TRPM3: variants seen among roughly 807,000 people sequenced by gnomAD.
TRPM3 encodes transient receptor potential cation channel subfamily M member 3.
Under a neutral mutation model 181.2 loss-of-function variants are expected in TRPM3, and 77 were observed. That is an observed-to-expected ratio of 0.42 (90% CI 0.35 to 0.51). The LOEUF (loss-of-function observed/expected upper bound fraction) is 0.51, where lower values mean the gene tolerates loss of function less well. Ranked by LOEUF, TRPM3 falls within the 20% of genes least tolerant of loss-of-function variation. The pLI is 0.01. For synonymous variants in TRPM3, 745 were observed against 796.4 expected, an observed-to-expected ratio of 0.94 and a Z score of 1.09; for missense variants, 1,759 against 2,196.7, an observed-to-expected ratio of 0.80 and a Z score of 3.98.
chr9:71,099,381 T>TG (rs929714266), intron 1 of TRPM3, among the ~76,000 whole-genome samples: 23 of 152,096 alleles, frequency 1.5e-4, no homozygotes, highest in African/African-American at 4.8e-4. Context: ...ACATAAATTT[T>TG]GGGGGGGTAT....
intron 1 of TRPM3, among the ~76,000 whole-genome samples, chr9:70,906,403 G>A (rs1295368727): frequency 6.6e-6 from 1 of 152,178 alleles, no homozygotes; most frequent in African/African-American, 2.4e-5. Context: ...AGCGCTGAAA[G>A]AGAGGGCCGA....
intron 1 of TRPM3, among the ~76,000 whole-genome samples, chr9:71,008,399 T>C (rs1463645631): frequency 6.6e-6 from 1 of 152,136 alleles, no homozygotes; most frequent in Non-Finnish European, 1.5e-5. Context: ...GCTTACTTTC[T>C]AAGTCATTCT....
intron 9 of TRPM3, among the ~76,000 whole-genome samples, chr9:70,651,011 C>T (rs568534347): frequency 2.6e-4 from 40 of 152,030 alleles, no homozygotes; most frequent in Non-Finnish European, 5.1e-4. Flanking sequence ...CACTTTTTAT[C>T]GCAAAGTTTT....
At chr9:70,630,243 A>AAAT (rs1366991491) in intron 12 of TRPM3, among the ~76,000 whole-genome samples, 2 of 152,206 alleles carry the variant, frequency 1.3e-5, no homozygotes, top group African/African-American at 4.8e-5. Flanking sequence ...TATGCTGTGA[A>AAAT]AATAGGTGGC....
At chr9:70,746,212 C>T (rs147877950) in intron 8 of TRPM3, among the ~76,000 whole-genome samples, 309 of 152,020 alleles carry the variant, frequency 2.0e-3, no homozygotes, top group African/African-American at 7.2e-3. Flanking sequence ...GAAACATCTT[C>T]GACTTTTTGT....
At chr9:71,265,082 T>A (rs1588191673) in intron 1 of TRPM3, among the ~76,000 whole-genome samples, 1 of 152,294 alleles carries the variant, frequency 6.6e-6, no homozygotes, top group East Asian at 1.9e-4. Context: ...AATTCAAGCA[T>A]GAGATCTTCA....
chr9:71,163,195 T>G (rs1197194596), intron 1 of TRPM3, among the ~76,000 whole-genome samples: 1 of 151,970 alleles, frequency 6.6e-6, no homozygotes, highest in African/African-American at 2.4e-5. Context: ...AAGGTCACAG[T>G]GTGAAGAATA....
Position 70,542,494 on chromosome 9 carries a change from G to A in TRPM3, c.3708-5089C>T, listed in dbSNP as rs528578310. Among the ~76,000 whole-genome samples, 24 of 152,282 alleles carry A rather than the reference G, an allele frequency of 1.6e-4. 1 individual carries two copies. Among genetic ancestry groups the A allele is most frequent in the African/African-American group, 5.8e-4 (24 of 41,558 alleles). ...AGCTGTTGGGTGACCCATGAGAGAA[G>A]GCCCAGTGGGTGGGTGCAAAACCCC... On this transcript the variant is annotated intron_variant, in intron 25 of 25. Coordinates refer to ENST00000677713, the MANE Select transcript of TRPM3 (RefSeq NM_001366145.2).
At chr9:71,054,961 C>A (rs2060491478) in intron 1 of TRPM3, among the ~76,000 whole-genome samples, 1 of 152,070 alleles carries the variant, frequency 6.6e-6, no homozygotes, top group Non-Finnish European at 1.5e-5. Context: ...AAGCCTTCTC[C>A]ACAATGCCTG....
intron 1 of TRPM3, among the ~76,000 whole-genome samples, chr9:71,382,166 G>A (rs2092816400): frequency 6.6e-6 from 1 of 152,014 alleles, no homozygotes; most frequent in African/African-American, 2.4e-5. Context: ...ATAAGATTTA[G>A]TTTCTCAAAA....
At chr9:71,179,578 G>T (rs2077283733) in intron 1 of TRPM3, among the ~76,000 whole-genome samples, 1 of 152,122 alleles carries the variant, frequency 6.6e-6, no homozygotes, top group Admixed American at 6.6e-5. Context: ...TAGATTTTGA[G>T]AAATGAAATT....
chr9:70,918,794 C>A (rs183047363), intron 1 of TRPM3, among the ~76,000 whole-genome samples: 7 of 151,650 alleles, frequency 4.6e-5, no homozygotes, highest in Admixed American at 2.0e-4. Context: ...GATCTTGAAA[C>A]GAACAATACA....
In TRPM3 at chr9:70,535,115, A is replaced by T. The variant is rs539800658; in HGVS notation, c.*838T>A. 2.1e-4 allele frequency: 47 copies of T among 224,108 alleles called. No homozygotes were observed. Among genetic ancestry groups the T allele is most frequent in the Middle Eastern group, 1.5e-3 (1 of 666 alleles). 13.9% of individuals were successfully genotyped at this position (224,108 alleles called of 1,614,324 possible). A position where few individuals can be genotyped will look rare whatever the true frequency, so the allele number is the denominator to read the frequency against. ...TGACAGGTGAGATACAAAATAAATT[A>T]AAAAATATAAAATTATTTAATTACA... On this transcript the variant is annotated 3_prime_UTR_variant, in exon 26 of 26. Transcript: ENST00000677713.
At chr9:71,006,864 C>T (rs2097680806) in intron 1 of TRPM3, among the ~76,000 whole-genome samples, 1 of 80,436 alleles carries the variant, frequency 1.2e-5, no homozygotes, top group African/African-American at 5.0e-5. Flanking sequence ...GAGCGAGACT[C>T]CGTCTCAAAA....
intron 7 of TRPM3, 172 bp downstream of exon 7, chr9:70,783,933 T>A: frequency 7.3e-7 from 1 of 1,372,256 alleles, no homozygotes; most frequent in East Asian, 2.7e-5. Flanking sequence ...ATTTAGAATA[T>A]GTTTCTCTGT....
chr9:71,131,610 T>C (rs1487274667), intron 1 of TRPM3, among the ~76,000 whole-genome samples: 1 of 152,192 alleles, frequency 6.6e-6, no homozygotes, highest in Admixed American at 6.5e-5. Flanking sequence ...GCATTCCTTA[T>C]GGTGACTATT....
chr9:71,236,150 C>T (rs908585848), intron 1 of TRPM3, among the ~76,000 whole-genome samples: 5 of 152,164 alleles, frequency 3.3e-5, no homozygotes, highest in African/African-American at 1.2e-4. Flanking sequence ...TCTCCATTCT[C>T]AAATGTGTTG....
intron 1 of TRPM3, among the ~76,000 whole-genome samples, chr9:71,070,501 C>G (rs1203303509): frequency 6.6e-6 from 1 of 152,160 alleles, no homozygotes; most frequent in Non-Finnish European, 1.5e-5. Flanking sequence ...GATTTCTTAT[C>G]AGATGTATTT....
At chr9:71,196,681 G>T (rs966727496) in intron 1 of TRPM3, among the ~76,000 whole-genome samples, 1 of 151,834 alleles carries the variant, frequency 6.6e-6, no homozygotes, top group Non-Finnish European at 1.5e-5. Flanking sequence ...ACTAAATTTA[G>T]ATCTAATAAC....
Sources: gnomAD v4.1 joint callset for allele counts (sites outside exome capture counted in the v4.1 genomes callset) on GRCh38, gnomAD v4.1.1 for gene constraint, MANE v1.5 for transcripts, NCBI Gene and HGNC (gene_info 2026-07-23, HGNC 2026-07-21) for gene names.